IGSF10: variants seen among roughly 807,000 people sequenced by gnomAD.
IGSF10 encodes the protein immunoglobulin superfamily member 10.
A neutral mutation model predicts 128.2 loss-of-function variants in IGSF10; 126 were observed. The observed-to-expected ratio is 0.98, with a 90% CI of 0.85 to 1.14. The LOEUF is 1.14. Ranked by LOEUF, IGSF10 falls within the 50% of genes most tolerant of loss-of-function variation. IGSF10 has a pLI of 0.00. For missense variants in IGSF10, 3,295 were observed against 3,149.8 expected, an observed-to-expected ratio of 1.05 and a Z score of -1.10; for synonymous variants, 1,185 against 1,146.2, an observed-to-expected ratio of 1.03 and a Z score of -0.68.
At chr3:151,502,528 T>C in the IGSF10 span, among the ~76,000 whole-genome samples, 4 of 152,054 alleles carry the variant, frequency 2.6e-5, no homozygotes, top group African/African-American at 4.8e-5. Flanking sequence ...CTGCTTCCTG[T>C]TTTTAACTAC....
chr3:151,525,462 T>G, the IGSF10 span, among the ~76,000 whole-genome samples: 1 of 152,020 alleles, frequency 6.6e-6, no homozygotes, highest in African/African-American at 2.4e-5. Context: ...GTTTGCTGGT[T>G]AAAAGAACAC....
chr3:151,528,592 G>A, the IGSF10 span, among the ~76,000 whole-genome samples: 7 of 152,298 alleles, frequency 4.6e-5, no homozygotes, highest in East Asian at 1.9e-4. Context: ...CACCTGGAAC[G>A]TACAAAGGGT....
the IGSF10 span, among the ~76,000 whole-genome samples, chr3:151,499,188 CA>C: frequency 6.6e-6 from 1 of 152,036 alleles, no homozygotes; most frequent in East Asian, 1.9e-4. Flanking sequence ...AGAGCATTGG[CA>C]ACAAAAAGCA....
chr3:151,586,948 T>C, the IGSF10 span, among the ~76,000 whole-genome samples: 2 of 152,176 alleles, frequency 1.3e-5, no homozygotes, highest in South Asian at 2.1e-4. Context: ...TGAGGCCCTG[T>C]TCTGACTTGA....
chr3:151,440,306 A>AG (rs1720771056), intron 7 of IGSF10, among the ~76,000 whole-genome samples: 1 of 152,210 alleles, frequency 6.6e-6, no homozygotes, highest in African/African-American at 2.4e-5. Context: ...CTGGAATGAC[A>AG]GGCGTGAACC....
At chr3:151,553,718 T>C in the IGSF10 span, among the ~76,000 whole-genome samples, 6 of 151,814 alleles carry the variant, frequency 4.0e-5, no homozygotes, top group South Asian at 1.0e-3. Context: ...TAGCATATTA[T>C]AAAGCAAACC....
the IGSF10 span, among the ~76,000 whole-genome samples, chr3:151,528,967 A>G: frequency 6.6e-6 from 1 of 152,014 alleles, no homozygotes; most frequent in Non-Finnish European, 1.5e-5. Context: ...TGAAATTCTC[A>G]TACCAGCACA....
At position 151,437,935 on chromosome 3, in the gene IGSF10, C is replaced by T; in HGVS notation, c.6626G>A (p.Gly2209Glu). 2 of 1,614,174 alleles carry T rather than the reference C, an allele frequency of 1.2e-6. No homozygotes were observed. Among genetic ancestry groups the T allele is most frequent in the Non-Finnish European group, 8.5e-7 (1 of 1,180,032 alleles). Residue 2209 changes from glycine to glutamate, a missense_variant, in exon 8 of 8, where the codon GGA becomes GAA. Gly to Glu is a moderately conservative substitution (Grantham distance 98, BLOSUM62 -2). Coordinates refer to ENST00000282466, the MANE Select transcript of IGSF10 (RefSeq NM_178822.5). ...TINKVKLLDS[G>E]EYVCVARNPS... ...ATTTCGGGCTACACATACGTACTCT[C>T]CAGAATCGAGCAGTTTCACTTTGTT...
At chr3:151,503,981 C>G in the IGSF10 span, among the ~76,000 whole-genome samples, 1 of 152,058 alleles carries the variant, frequency 6.6e-6, no homozygotes, top group South Asian at 2.1e-4. Flanking sequence ...ATATCAAACA[C>G]CAACCTTAGG....
chr3:151,604,443 A>G, the IGSF10 span, among the ~76,000 whole-genome samples: 2 of 152,042 alleles, frequency 1.3e-5, no homozygotes, highest in East Asian at 3.8e-4. Flanking sequence ...AAAAATAAGC[A>G]TCATAATATA....
chr3:151,453,357 G>T lies in IGSF10; in HGVS notation c.715+27C>A, dbSNP rs778772870. 24 of 1,528,858 alleles carry T rather than the reference G, an allele frequency of 1.6e-5. No homozygotes were observed. The South Asian group carries it at 3.1e-4, about 20-fold the overall frequency. 94.7% of individuals were successfully genotyped at this position (1,528,858 alleles called of 1,614,324 possible). A position where few individuals can be genotyped will look rare whatever the true frequency, so the allele number is the denominator to read the frequency against. Reference sequence around the variant, plus strand: ...CAAGCAGATTTCCTCCACTTAATTGGGACAAAAAAATAAACAATATAGATA... The same window carrying T: ...CAAGCAGATTTCCTCCACTTAATTGTGACAAAAAAATAAACAATATAGATA... On this transcript the variant is annotated intron_variant, in intron 5 of 7. Coordinates refer to ENST00000282466, the MANE Select transcript of IGSF10 (RefSeq NM_178822.5).
At chr3:151,552,632 A>G in the IGSF10 span, among the ~76,000 whole-genome samples, 5 of 152,142 alleles carry the variant, frequency 3.3e-5, no homozygotes, top group Admixed American at 2.0e-4. Context: ...TCAGGTCACA[A>G]TGTTCCTATA....
the IGSF10 span, among the ~76,000 whole-genome samples, chr3:151,473,742 C>A: frequency 6.6e-6 from 1 of 152,232 alleles, no homozygotes; most frequent in African/African-American, 2.4e-5. Context: ...TTTCCAAGCC[C>A]TGAGGATCTA....
Position 151,447,145 on chromosome 3 carries a change from CTAA to C in IGSF10, c.2833_2835del (p.Leu945del), listed in dbSNP as rs757988311. ...TGACTATTTGTGGTATTTACTGACT[CTAA>C]TAATAGTTTGTTGGTGGTGCTACTA... On this transcript the variant is annotated inframe_deletion, in exon 6 of 8. Transcript: ENST00000282466. 76 of 1,614,042 alleles carry C rather than the reference CTAA, an allele frequency of 4.7e-5. No homozygotes were observed. The East Asian group carries it at 1.6e-3, about 34-fold the overall frequency.
At chr3:151,469,914 T>C in the IGSF10 span, among the ~76,000 whole-genome samples, 3 of 152,202 alleles carry the variant, frequency 2.0e-5, no homozygotes, top group African/African-American at 7.2e-5. Flanking sequence ...TACCAAGATT[T>C]CCCGTAGTCC....
chr3:151,434,559 T>C (rs1448485890), downstream of IGSF10: 1 of 152,256 alleles, frequency 6.6e-6, no homozygotes, highest in African/African-American at 2.4e-5. Flanking sequence ...TTGCTGGTTT[T>C]GTATATCAGA....
At chr3:151,512,347 T>A in the IGSF10 span, among the ~76,000 whole-genome samples, 1 of 152,144 alleles carries the variant, frequency 6.6e-6, no homozygotes, top group African/African-American at 2.4e-5. Context: ...CTGAACCACC[T>A]GCTCCTGAAT....
At chr3:151,551,563 C>A in the IGSF10 span, among the ~76,000 whole-genome samples, 3 of 152,072 alleles carry the variant, frequency 2.0e-5, no homozygotes, top group East Asian at 3.9e-4. Flanking sequence ...GGGTCAACTG[C>A]ACTTTAATTT....
rs972547671 is a variant in IGSF10, at chr3:151,439,846, G to C, written c.5964-1249C>G. On this transcript the variant is annotated intron_variant, in intron 7 of 7. Transcript: ENST00000282466. ...AAACTAAATCTACTTTTTTAGACCA[G>C]TGGAGACTCAACTGGTGCTAAAAGT... 6.6e-5 allele frequency among the ~76,000 whole-genome samples: 10 copies of C among 152,316 alleles called. No homozygotes were observed. In the South Asian group the frequency reaches 1.0e-3, roughly 16 times the overall value.
Sources: gnomAD v4.1 joint callset for allele counts (sites outside exome capture counted in the v4.1 genomes callset) on GRCh38, gnomAD v4.1.1 for gene constraint, MANE v1.5 for transcripts, NCBI Gene and HGNC (gene_info 2026-07-23, HGNC 2026-07-21) for gene names.